CA8: variants seen among roughly 807,000 people sequenced by gnomAD.
CA8 encodes carbonic anhydrase-related protein.
In CA8, 22 loss-of-function variants were observed where a neutral mutation model predicts 41.4. The ratio of observed to expected loss-of-function variants is 0.53; its 90% CI spans 0.38 to 0.76. CA8 has a LOEUF of 0.76. Among genes scored for constraint, CA8 ranks in the 30% least tolerant of loss-of-function variants. The pLI, the probability that CA8 is intolerant of heterozygous loss-of-function variation, is 0.00. For missense variants in CA8, 270 were observed against 352.8 expected, an observed-to-expected ratio of 0.77 and a Z score of 1.88; for synonymous variants, 121 against 130.6, an observed-to-expected ratio of 0.93 and a Z score of 0.50.
intron 7 of CA8, among the ~76,000 whole-genome samples, chr8:60,221,010 CAT>C (rs1406087549): frequency 1.3e-5 from 2 of 152,208 alleles, no homozygotes; most frequent in East Asian, 1.9e-4. Flanking sequence ...CAGAAACACA[CAT>C]GTTGAATTTT....
intron 3 of CA8, among the ~76,000 whole-genome samples, chr8:60,259,754 T>G (rs1385743501): frequency 4.0e-5 from 6 of 151,450 alleles, no homozygotes; most frequent in Admixed American, 2.0e-4. Context: ...TTTTTTTTTT[T>G]GCCAAGATGT....
chr8:60,202,144 C>T (rs113343205), intron 8 of CA8, among the ~76,000 whole-genome samples: 14,034 of 151,212 alleles, frequency 0.093, 1,463 homozygotes, highest in African/African-American at 0.26. Flanking sequence ...CCAGGGTTCA[C>T]GCCATTTTCC....
chr8:60,277,774 G>GA (rs1401662552), intron 2 of CA8, among the ~76,000 whole-genome samples: 6 of 152,156 alleles, frequency 3.9e-5, no homozygotes, highest in East Asian at 3.8e-4. Flanking sequence ...TATCCTAGGG[G>GA]AAAAAACAAC....
At position 60,232,200 on chromosome 8, in the gene CA8, T is replaced by C. The variant is rs113893454; in HGVS notation, c.513+84A>G. Reference sequence around the variant, plus strand: ...TGTGTGTAATTTCATCTCTAAGCAATAAAATTGAGAATAAAAAAATTTTAC... The same window carrying C: ...TGTGTGTAATTTCATCTCTAAGCAACAAAATTGAGAATAAAAAAATTTTAC... On this transcript the variant is annotated intron_variant, in intron 4 of 8. Transcript: ENST00000317995. The C allele has an allele frequency of 2.3e-4, 237 of 1,010,826 alleles. 1 individual carries two copies. The African/African-American group carries it at 3.3e-3, about 14-fold the overall frequency. The allele number at this position is 1,010,826 out of a possible 1,614,324, so 62.6% of individuals were successfully genotyped here. A position where few individuals can be genotyped will look rare whatever the true frequency, so the allele number is the denominator to read the frequency against.
chr8:60,246,947 G>A (rs977210723), intron 3 of CA8, among the ~76,000 whole-genome samples: 36 of 136,184 alleles, frequency 2.6e-4, no homozygotes, highest in Non-Finnish European at 9.1e-5. Flanking sequence ...TCAGTGGCGC[G>A]ATCTCGGCTC....
In CA8 at chr8:60,247,120, T is replaced by C. The variant is rs189777451; in HGVS notation, c.418-14741A>G. Among the ~76,000 whole-genome samples the C allele has an allele frequency of 4.6e-3, 702 of 152,232 alleles. 5 individuals carry two copies. Among genetic ancestry groups the C allele is most frequent in the African/African-American group, 0.016 (661 of 41,556 alleles). ...GGATGATCTCGATCTCCTGACCTCA[T>C]GATCCGCCCATCTCGGCCTCCCAAA... On this transcript the variant is annotated intron_variant, in intron 3 of 8. Coordinates refer to ENST00000317995, the MANE Select transcript of CA8 (RefSeq NM_004056.6).
intron 3 of CA8, among the ~76,000 whole-genome samples, chr8:60,246,810 G>A (rs1808253957): frequency 6.9e-6 from 1 of 145,500 alleles, no homozygotes; most frequent in Non-Finnish European, 1.5e-5. Flanking sequence ...CTAATTTCCT[G>A]TTAAGCCTTT....
chr8:60,251,802 G>C (rs181971886), intron 3 of CA8, among the ~76,000 whole-genome samples: 1 of 152,148 alleles, frequency 6.6e-6, no homozygotes, highest in Non-Finnish European at 1.5e-5. Flanking sequence ...TCTGAAATTA[G>C]AGTAGGGCAA....
chr8:60,281,279 C>T lies in CA8; in HGVS notation c.-132G>A. 1.5e-6 allele frequency: 1 copy of T among 677,270 alleles called. No individual in the cohort carries two copies. The highest frequency in any genetic ancestry group is 2.6e-6 in the Non-Finnish European group (1 of 383,650). 42.0% of individuals were successfully genotyped at this position (677,270 alleles called of 1,614,324 possible). ...GTGAGCGGCAGTGTGAGTGCGAGAG[C>T]GCCTCCGGGTGTGAACCGCAGTGTG... On this transcript the variant is annotated 5_prime_UTR_variant, in exon 1 of 9. Coordinates refer to ENST00000317995, the MANE Select transcript of CA8 (RefSeq NM_004056.6).
rs1036972195 is a variant in CA8 at position 60,185,963 on chromosome 8, T to G, written c.*4058A>C. Among the ~76,000 whole-genome samples, 4 of 152,082 alleles carry G rather than the reference T, an allele frequency of 2.6e-5. No individual in the cohort carries two copies. The highest frequency in any genetic ancestry group is 9.7e-5 in the African/African-American group (4 of 41,426). Reference sequence around the variant, plus strand: ...GTATAAAATATCATGTAATTATGCTTTAGACCCAGAACATATACAAATGTG... The same window carrying G: ...GTATAAAATATCATGTAATTATGCTGTAGACCCAGAACATATACAAATGTG... On this transcript the variant is annotated 3_prime_UTR_variant, in exon 9 of 9. Transcript: ENST00000317995.
chr8:60,192,765 G>A (rs1806166334), intron 8 of CA8, among the ~76,000 whole-genome samples: 1 of 152,086 alleles, frequency 6.6e-6, no homozygotes, highest in African/African-American at 2.4e-5. Flanking sequence ...TCAGTCCCTT[G>A]TCCTATGTGT....
chr8:60,253,681 C>T (rs1808526028), intron 3 of CA8, among the ~76,000 whole-genome samples: 2 of 152,142 alleles, frequency 1.3e-5, no homozygotes, highest in Admixed American at 1.3e-4. Context: ...TCTGGGGTTA[C>T]CTCTCGTGCC....
intron 3 of CA8, among the ~76,000 whole-genome samples, chr8:60,254,487 C>T (rs1402635380): frequency 1.3e-5 from 2 of 152,166 alleles, no homozygotes; most frequent in African/African-American, 2.4e-5. Flanking sequence ...TTAAACAAAC[C>T]ACGTCAGCGC....
intron 7 of CA8, among the ~76,000 whole-genome samples, chr8:60,217,567 T>G (rs1267085025): frequency 6.6e-6 from 1 of 152,204 alleles, no homozygotes; most frequent in Non-Finnish European, 1.5e-5. Flanking sequence ...TCTTCTACAC[T>G]AACAGCTTCA....
At chr8:60,227,413 C>T (rs1382340922) in intron 4 of CA8, among the ~76,000 whole-genome samples, 1 of 152,094 alleles carries the variant, frequency 6.6e-6, no homozygotes, top group Non-Finnish European at 1.5e-5. Flanking sequence ...AAAGTTGTGA[C>T]AAACCTAGTA....
rs1805976095 is a variant in CA8 at position 60,186,739 on chromosome 8, A to G, written c.*3282T>C. On this transcript the variant is annotated 3_prime_UTR_variant, in exon 9 of 9. Coordinates refer to ENST00000317995, the MANE Select transcript of CA8 (RefSeq NM_004056.6). ...AAGATACATCATACAAATAGCAACT[A>G]TAAGAAAGCTGGGGCAGCTATATTA... Among the ~76,000 whole-genome samples the G allele has an allele frequency of 6.6e-6, 1 of 152,018 alleles. No individual in the cohort carries two copies. Among genetic ancestry groups the G allele is most frequent in the South Asian group, 2.1e-4 (1 of 4,832 alleles).
Position 60,248,263 on chromosome 8 carries a change from C to T in CA8, c.418-15884G>A, listed in dbSNP as rs191095452. 1.4e-4 allele frequency among the ~76,000 whole-genome samples: 21 copies of T among 152,072 alleles called. 1 individual carries two copies. The highest frequency in any genetic ancestry group is 1.9e-4 in the East Asian group (1 of 5,202). ...AGAACTTCTTTAGTTTAATTAGATA[C>T]GATTTGTCAATTTTTGCTTTTGTTG... On this transcript the variant is annotated intron_variant, in intron 3 of 8. Transcript: ENST00000317995.
intron 3 of CA8, among the ~76,000 whole-genome samples, chr8:60,258,917 A>C (rs1371511783): frequency 6.6e-6 from 1 of 152,200 alleles, no homozygotes; most frequent in Non-Finnish European, 1.5e-5. Flanking sequence ...GCCAGGTACC[A>C]GTCCATGGCC....
chr8:60,238,785 C>CAA (rs1028261458), intron 3 of CA8, among the ~76,000 whole-genome samples: 1 of 152,078 alleles, frequency 6.6e-6, no homozygotes, highest in Non-Finnish European at 1.5e-5. Context: ...ATGCTCAAAC[C>CAA]AAGCATGACC....
Sources: allele counts gnomAD v4.1 joint callset (sites outside exome capture counted in the v4.1 genomes callset), GRCh38; gene constraint gnomAD v4.1.1; transcripts MANE v1.5; gene names NCBI Gene and HGNC (gene_info 2026-07-23, HGNC 2026-07-21).